Variants in LIG1 observed in about 807,000 individuals in gnomAD.
LIG1 encodes ligase I, DNA, ATP-dependent.
LIG1 carries 70 observed loss-of-function variants against 115.7 expected under a neutral mutation model. That is an observed-to-expected ratio of 0.60 (90% confidence interval 0.50 to 0.74). The LOEUF (loss-of-function observed/expected upper bound fraction) is 0.74, where lower values mean the gene tolerates loss of function less well. Ranked by LOEUF, LIG1 falls within the 30% of genes least tolerant of loss-of-function variation. LIG1 has a pLI of 0.00. For synonymous variants in LIG1, 487 were observed against 495.3 expected, an observed-to-expected ratio of 0.98 and a Z score of 0.22; for missense variants, 1,115 against 1,225.6, an observed-to-expected ratio of 0.91 and a Z score of 1.35.
chr19:48,147,125 C>T (rs2035168871), intron 9 of LIG1: 1 of 152,170 alleles, frequency 6.6e-6, no homozygotes, highest in African/African-American at 2.4e-5. Flanking sequence ...GAAAGAATTT[C>T]TTGTCGTTAT....
intron 4 of LIG1, among the ~76,000 whole-genome samples, chr19:48,157,922 C>T (rs1233554621): frequency 2.0e-5 from 3 of 152,164 alleles, no homozygotes; most frequent in Non-Finnish European, 4.4e-5. Context: ...GGAGGTATGA[C>T]CTGGCGGGAG....
rs2035676527 is a variant in LIG1 at position 48,153,983 on chromosome 19, G to A, written c.371-16C>T. On this transcript the variant is annotated splice_polypyrimidine_tract_variant and intron_variant, in intron 5 of 27. Coordinates refer to ENST00000263274, the MANE Select transcript of LIG1 (RefSeq NM_000234.3). Reference sequence around the variant, plus strand: ...TGCTTCCGAGCTGGGGAGGCAAAGGGCTTGGTGTATCTGACCTCGCTGGCT... The same window carrying A: ...TGCTTCCGAGCTGGGGAGGCAAAGGACTTGGTGTATCTGACCTCGCTGGCT... 1 of 1,610,578 alleles carries A rather than the reference G, an allele frequency of 6.2e-7. No individual in the cohort carries two copies. Among genetic ancestry groups the A allele is most frequent in the Non-Finnish European group, 8.5e-7 (1 of 1,176,994 alleles).
chr19:48,140,235 A>G, intron 11 of LIG1, 92 bp from the exon 12 acceptor site: 1 of 828,320 alleles, frequency 1.2e-6, no homozygotes, highest in South Asian at 1.5e-5. Context: ...GGACACTAGA[A>G]AGAAATGGAG....
chr19:48,151,350 A>G lies in LIG1; in HGVS notation c.467-11T>C, dbSNP rs769777441. On this transcript the variant is annotated splice_polypyrimidine_tract_variant and intron_variant, in intron 6 of 27. Transcript: ENST00000263274. ...TCGGGGTCTCCTCTTCTGACGATAG[A>G]CAGAACGGTCAGATGGCAAAAAAAT... The G allele has an allele frequency of 6.5e-7, 1 of 1,543,166 alleles. No individual in the cohort carries two copies. Among genetic ancestry groups the G allele is most frequent in the Non-Finnish European group, 9.0e-7 (1 of 1,115,324 alleles).
chr19:48,135,407 C>A lies in LIG1; in HGVS notation c.1523+273G>T, dbSNP rs274891. ...CAAGTGCTGGGATTACAGGCGTGAG[C>A]CACTGTGCCTGGCCGCTGCCAGCGT... On this transcript the variant is annotated intron_variant, in intron 16 of 27. Transcript: ENST00000263274. Among the ~76,000 whole-genome samples, 511 of 152,308 alleles carry A rather than the reference C, an allele frequency of 3.4e-3. 3 individuals are homozygous for A. The highest frequency in any genetic ancestry group is 0.012 in the African/African-American group (483 of 41,562).
intron 2 of LIG1, among the ~76,000 whole-genome samples, chr19:48,165,231 C>T (rs573290139): frequency 6.6e-6 from 1 of 152,184 alleles, no homozygotes; most frequent in East Asian, 1.9e-4. Context: ...TGTACTCCAG[C>T]CTGGGTGACA....
At chr19:48,144,108 T>G in intron 9 of LIG1, 145 bp from the exon 10 acceptor site, 1 of 741,886 alleles carries the variant, frequency 1.3e-6, no homozygotes, top group Non-Finnish European at 2.4e-6. Context: ...GGAGCTCACA[T>G]TCCAGCAGGA....
chr19:48,115,510 C>A lies in LIG1; in HGVS notation c.*139G>T. On this transcript the variant is annotated 3_prime_UTR_variant, in exon 28 of 28. Transcript: ENST00000263274. Reference sequence around the variant, plus strand: ...GAATCCCAGACTCCGGAGTAAGCCACCCCCTCACACACACACCCCTCCCCT... The same window carrying A: ...GAATCCCAGACTCCGGAGTAAGCCAACCCCTCACACACACACCCCTCCCCT... The A allele has an allele frequency of 1.5e-6, 1 of 684,474 alleles. No individual in the cohort carries two copies. The allele number at this position is 684,474 out of a possible 1,614,324, so 42.4% of individuals were successfully genotyped here. A position where few individuals can be genotyped will look rare whatever the true frequency, so the allele number is the denominator to read the frequency against.
chr19:48,137,407 T>G lies in LIG1; in HGVS notation c.1254+115A>C, dbSNP rs979142743. Reference sequence around the variant, plus strand: ...GGAGGAGAGGAAGCTGTGCACCCCATGAGAAGGACTGATGCGACCCAGCTG... The same window carrying G: ...GGAGGAGAGGAAGCTGTGCACCCCAGGAGAAGGACTGATGCGACCCAGCTG... On this transcript the variant is annotated intron_variant, in intron 13 of 27. Transcript: ENST00000263274. This position sits in a 1 kb window ranked among gnomAD's most constrained non-coding sequence, Gnocchi z 4.3. 3.2e-5 allele frequency: 42 copies of G among 1,328,892 alleles called. No individual in the cohort carries two copies. Among genetic ancestry groups the G allele is most frequent in the Non-Finnish European group, 3.8e-5 (36 of 958,040 alleles). 82.3% of individuals were successfully genotyped at this position (1,328,892 alleles called of 1,614,324 possible).
chr19:48,159,486 T>C (rs1324545849), intron 4 of LIG1, among the ~76,000 whole-genome samples: 1 of 152,212 alleles, frequency 6.6e-6, no homozygotes, highest in East Asian at 1.9e-4. Flanking sequence ...AAGAGATCTC[T>C]ATTCTAATAC....
intron 7 of LIG1, among the ~76,000 whole-genome samples, chr19:48,151,004 G>A (rs1371455456): frequency 1.3e-5 from 2 of 151,892 alleles, no homozygotes; most frequent in African/African-American, 4.8e-5. Context: ...CCCGGCCTAG[G>A]AAGATTTTTT....
intron 2 of LIG1, among the ~76,000 whole-genome samples, chr19:48,164,469 G>C (rs2036364261): frequency 6.6e-6 from 1 of 152,102 alleles, no homozygotes; most frequent in South Asian, 2.1e-4. Context: ...GATTTGAGTG[G>C]GCTGGCCCTT....
rs150863420 is a variant in LIG1 at position 48,137,654 on chromosome 19, G to A, written c.1122C>T (p.Ala374=). 1.7e-5 allele frequency: 28 copies of A among 1,607,778 alleles called. No individual in the cohort carries two copies. Among genetic ancestry groups the A allele is most frequent in the African/African-American group, 1.2e-4 (9 of 74,924 alleles). The part of the protein sequence containing the change: ...RQLESVRAEA[A]EKGDVGLVAE... ...CCACCAGCCCCACGTCGCCTTTCTCGGCTGCCTCAGCCCGGACGGACTCCA... is the reference window on the plus strand; with the variant it reads ...CCACCAGCCCCACGTCGCCTTTCTCAGCTGCCTCAGCCCGGACGGACTCCA... The change falls in exon 13 of 28, where the codon GCC becomes GCT. Residue 374 remains alanine (A), a synonymous_variant. Transcript: ENST00000263274. The surrounding 1 kb of genome is among the most constrained non-coding windows in gnomAD (Gnocchi z 4.3).
At chr19:48,170,151 G>A (rs1331836805) in intron 1 of LIG1, 90 bp downstream of exon 1, 1 of 452,402 alleles carries the variant, frequency 2.2e-6, no homozygotes, top group African/African-American at 2.0e-5. Flanking sequence ...CTCCTCTGCA[G>A]ACACCCCGAC....
intron 9 of LIG1, 26 bp from the exon 10 acceptor site, chr19:48,143,989 T>C (rs1308462731): frequency 2.6e-6 from 4 of 1,561,086 alleles, no homozygotes; most frequent in Admixed American, 3.3e-5. Context: ...GGAGATTGAA[T>C]TGCATAGAGC....
chr19:48,154,322 A>C, intron 5 of LIG1: 1 of 338,664 alleles, frequency 3.0e-6, no homozygotes, highest in Non-Finnish European at 5.8e-6. Flanking sequence ...CAAGTGTTCC[A>C]GACAGCTTCC....
Position 48,157,426 on chromosome 19 carries a change from C to T in LIG1, c.244-286G>A, listed in dbSNP as rs1174260661. Among the ~76,000 whole-genome samples, 3 of 152,120 alleles carry T rather than the reference C, an allele frequency of 2.0e-5. No individual in the cohort carries two copies. In the East Asian group the frequency reaches 5.8e-4, roughly 29 times the overall value. On this transcript the variant is annotated intron_variant, in intron 4 of 27. Coordinates refer to ENST00000263274, the MANE Select transcript of LIG1 (RefSeq NM_000234.3). ...CCAAGTAGCTGGGACTACAGGCCTGCACTACCATGCCTGGCTAATTTTTGT... is the reference window on the plus strand; with the variant it reads ...CCAAGTAGCTGGGACTACAGGCCTGTACTACCATGCCTGGCTAATTTTTGT...
chr19:48,165,308 T>C (rs938835792), intron 2 of LIG1, among the ~76,000 whole-genome samples: 3 of 152,012 alleles, frequency 2.0e-5, no homozygotes, highest in Non-Finnish European at 4.4e-5. Context: ...GGGAGCAAAA[T>C]TGCTGCTGAC....
chr19:48,158,773 C>T (rs896581544), intron 4 of LIG1, among the ~76,000 whole-genome samples: 1 of 152,226 alleles, frequency 6.6e-6, no homozygotes, highest in Non-Finnish European at 1.5e-5. Flanking sequence ...CCTGGCATCT[C>T]CCACCCAGTG....
Sources: allele counts gnomAD v4.1 joint callset (sites outside exome capture counted in the v4.1 genomes callset), GRCh38; gene constraint gnomAD v4.1.1; non-coding constraint Gnocchi (gnomAD v3.1); transcripts MANE v1.5; gene names NCBI Gene and HGNC (gene_info 2026-07-23, HGNC 2026-07-21).